Variants in TDP1 observed in about 807,000 individuals in gnomAD.
TDP1 encodes the protein tyrosyl-DNA phosphodiesterase 1, also known as tyr-DNA phosphodiesterase 1.
A neutral mutation model predicts 81.5 loss-of-function variants in TDP1; 64 were observed. The ratio of observed to expected loss-of-function variants is 0.79; its 90% CI spans 0.64 to 0.97. The LOEUF (loss-of-function observed/expected upper bound fraction) is 0.97, where lower values mean the gene tolerates loss of function less well. TDP1 is among the 50% of genes least tolerant of loss of function. The pLI is 0.00. For missense variants in TDP1, 723 were observed against 743.8 expected (o/e 0.97, Z 0.33); for synonymous variants, 256 against 264.3 (o/e 0.97, Z 0.30).
chr14:89,969,918 C>T (rs964369200), intron 5 of TDP1, among the ~76,000 whole-genome samples: 3 of 146,956 alleles, frequency 2.0e-5, no homozygotes, highest in African/African-American at 7.6e-5. Flanking sequence ...GCTCTGTCGC[C>T]CAGGCTGGAG....
At chr14:90,007,776 A>T (rs1024681474) in intron 14 of TDP1, among the ~76,000 whole-genome samples, 128 of 150,022 alleles carry the variant, frequency 8.5e-4, no homozygotes, top group African/African-American at 3.0e-3. Context: ...CTAATTTTTT[A>T]TTTTTTTTTA....
intron 8 of TDP1, 97 bp from the exon 9 acceptor site, chr14:89,984,419 G>T (rs750048167): frequency 2.6e-5 from 42 of 1,605,014 alleles, no homozygotes; most frequent in Non-Finnish European, 3.6e-5. Context: ...GAGATACCGA[G>T]AATTCACCTC....
intron 14 of TDP1, among the ~76,000 whole-genome samples, chr14:90,014,199 T>C (rs1885048318): frequency 6.6e-6 from 1 of 152,222 alleles, no homozygotes; most frequent in Non-Finnish European, 1.5e-5. Flanking sequence ...GGATAGATGC[T>C]TGAGACAGAA....
chr14:90,038,216 A>G (rs1168616491), intron 16 of TDP1, among the ~76,000 whole-genome samples: 1 of 152,194 alleles, frequency 6.6e-6, no homozygotes, highest in African/African-American at 2.4e-5. Flanking sequence ...GCTGAAACTA[A>G]ACTAATAAAC....
chr14:90,020,737 A>G (rs1179505029), intron 15 of TDP1, among the ~76,000 whole-genome samples: 1 of 142,546 alleles, frequency 7.0e-6, no homozygotes, highest in Non-Finnish European at 1.5e-5. Context: ...CAACTGGACC[A>G]GATGATTTAG....
At position 89,992,911 on chromosome 14, in the gene TDP1, G is replaced by A. The variant is rs35651940; in HGVS notation, c.1434-465G>A. The A allele has an allele frequency of 9.1e-4, 900 of 984,718 alleles. 2 individuals are homozygous for A. The African/African-American group carries it at 0.015, about 16-fold the overall frequency. The allele number at this position is 984,718 out of a possible 1,614,324, so 61.0% of individuals were successfully genotyped here. ...GTCAGCATTTGACTAAAGTATTTCT[G>A]CCCTCGCTTTTCAACATTCATTTTT... On this transcript the variant is annotated intron_variant, in intron 13 of 16. Coordinates refer to ENST00000335725, the MANE Select transcript of TDP1 (RefSeq NM_018319.4).
intron 5 of TDP1, among the ~76,000 whole-genome samples, chr14:89,968,561 T>C (rs531483049): frequency 1.3e-5 from 2 of 152,358 alleles, no homozygotes; most frequent in South Asian, 4.1e-4. Flanking sequence ...CTCAGCTGCA[T>C]GCTAACCAGC....
In TDP1 at chr14:89,980,416, T is replaced by C. The variant is rs909693930; in HGVS notation, c.792-124T>C. ...TGTATAGAAGGGAAGATTATAAATG[T>C]TAAGTTTGGGTAATATGAGAGTTTA... is the stretch of plus-strand genomic sequence containing the variant. On this transcript the variant is annotated intron_variant, in intron 7 of 16. Transcript: ENST00000335725. 7 of 1,414,316 alleles carry C rather than the reference T, an allele frequency of 4.9e-6. No individual in the cohort carries two copies. The African/African-American group carries it at 1.0e-4, about 20-fold the overall frequency. The allele number at this position is 1,414,316 out of a possible 1,614,324, so 87.6% of individuals were successfully genotyped here.
Position 90,007,574 on chromosome 14 carries a change from G to A in TDP1, c.1542-11742G>A, listed in dbSNP as rs559179510. Among the ~76,000 whole-genome samples the A allele has an allele frequency of 1.5e-4, 23 of 152,212 alleles. No individual in the cohort carries two copies. In the South Asian group the frequency reaches 4.8e-3, roughly 32 times the overall value. Reference sequence around the variant, plus strand: ...ACTGCACTCCAACCTGGGTAATAGAGCAAGACCCTGTCTCGGGGCGGGAAA... The same window carrying A: ...ACTGCACTCCAACCTGGGTAATAGAACAAGACCCTGTCTCGGGGCGGGAAA... On this transcript the variant is annotated intron_variant, in intron 14 of 16. Transcript: ENST00000335725.
At chr14:90,032,042 TG>T (rs1298214618) in intron 15 of TDP1, among the ~76,000 whole-genome samples, 1 of 152,258 alleles carries the variant, frequency 6.6e-6, no homozygotes, top group East Asian at 1.9e-4. Context: ...TTGATGTTTA[TG>T]TTAACTCTTG....
intron 16 of TDP1, among the ~76,000 whole-genome samples, chr14:90,035,084 CA>C (rs1396775466): frequency 6.6e-6 from 1 of 151,844 alleles, no homozygotes; most frequent in Non-Finnish European, 1.5e-5. Flanking sequence ...TCCCGCTAAC[CA>C]TTCTCAGCTT....
At chr14:89,994,832 T>G (rs1044897832) in intron 14 of TDP1, among the ~76,000 whole-genome samples, 2 of 152,124 alleles carry the variant, frequency 1.3e-5, no homozygotes, top group African/African-American at 4.8e-5. Context: ...CCAGACGGAT[T>G]AGAAGGAACT....
chr14:89,992,138 G>A (rs941927222), intron 13 of TDP1, among the ~76,000 whole-genome samples, 155 bp downstream of exon 13: 4 of 151,918 alleles, frequency 2.6e-5, no homozygotes, highest in Admixed American at 2.0e-4. Flanking sequence ...TTAAAACAAG[G>A]TTTTGAATTT....
intron 6 of TDP1, 112 bp from the exon 7 acceptor site, chr14:89,975,669 G>A (rs1356374363): frequency 7.5e-6 from 8 of 1,062,058 alleles, no homozygotes; most frequent in African/African-American, 3.2e-5. Context: ...GTAGAGATCA[G>A]TAAAAATAGT....
At chr14:90,042,038 G>A (rs1888408282) in intron 16 of TDP1, among the ~76,000 whole-genome samples, 1 of 152,154 alleles carries the variant, frequency 6.6e-6, no homozygotes, top group Admixed American at 6.5e-5. Flanking sequence ...GGTATTAAGA[G>A]GGACGGAGGA....
intron 7 of TDP1, 135 bp from the exon 8 acceptor site, chr14:89,980,405 G>A (rs1489175325): frequency 2.8e-6 from 4 of 1,411,062 alleles, no homozygotes; most frequent in Non-Finnish European, 3.9e-6. Context: ...TAGAAGGGAA[G>A]ATTATAAATG....
At chr14:90,010,257 G>A (rs763596258) in intron 14 of TDP1, among the ~76,000 whole-genome samples, 10 of 152,098 alleles carry the variant, frequency 6.6e-5, no homozygotes, top group East Asian at 1.9e-4. Context: ...TTCCTTCCTC[G>A]CCCCAAAATG....
At chr14:90,000,139 C>T (rs552094815) in intron 14 of TDP1, among the ~76,000 whole-genome samples, 49 of 152,276 alleles carry the variant, frequency 3.2e-4, no homozygotes, top group East Asian at 9.6e-4. Flanking sequence ...CCGGCGTTCT[C>T]GGCTCCTAGG....
chr14:90,041,765 C>T (rs35493759), intron 16 of TDP1, among the ~76,000 whole-genome samples: 253 of 152,298 alleles, frequency 1.7e-3, no homozygotes, highest in Non-Finnish European at 3.1e-3. Flanking sequence ...GATGTATTTA[C>T]GGTCTACCCA....
Sources: allele counts gnomAD v4.1 joint callset (sites outside exome capture counted in the v4.1 genomes callset), GRCh38; gene constraint gnomAD v4.1.1; transcripts MANE v1.5; gene names NCBI Gene and HGNC (gene_info 2026-07-23, HGNC 2026-07-21).